The following PHF2 variants were observed in gnomAD, a reference collection of about 807,000 sequenced individuals.
The protein encoded by PHF2 is PHD finger protein 2.
In PHF2, 27 loss-of-function variants were observed where a neutral mutation model predicts 120.5. The observed-to-expected ratio is 0.22, with a 90% confidence interval of 0.17 to 0.31. PHF2 has a LOEUF of 0.31. Ranked by LOEUF, PHF2 falls within the 10% of genes least tolerant of loss-of-function variation. PHF2 has a pLI of 1.00. For synonymous variants in PHF2, 568 were observed against 592.5 expected (o/e 0.96, Z 0.60); for missense variants, 1,024 against 1,434.8 (o/e 0.71, Z 4.63).
At chr9:93,625,468 CTTTTTTTTTTT>C (rs905164226) in intron 1 of PHF2, among the ~76,000 whole-genome samples, 5 of 94,716 alleles carry the variant, frequency 5.3e-5, no homozygotes, top group African/African-American at 1.1e-4. Context: ...GTTTGAGTAC[CTTTTTTTTTTT>C]TTTTTTTTTT....
At chr9:93,634,860 CT>C (rs760746278) in intron 2 of PHF2, among the ~76,000 whole-genome samples, 3 of 152,194 alleles carry the variant, frequency 2.0e-5, no homozygotes, top group Non-Finnish European at 4.4e-5. Flanking sequence ...GAACAAGCAC[CT>C]ACCGCACCAG....
At position 93,678,854 on chromosome 9, in the gene PHF2, C is replaced by T. The variant is rs1277828441; in HGVS notation, c.*1178C>T. On this transcript the variant is annotated 3_prime_UTR_variant, in exon 22 of 22. Coordinates refer to ENST00000359246, the MANE Select transcript of PHF2 (RefSeq NM_005392.4). Reference sequence around the variant, plus strand: ...GACAGTTGGGTTCTGATGCTTTTTCCTTCTCCTTTCCTTTTATTATTATTA... The same window carrying T: ...GACAGTTGGGTTCTGATGCTTTTTCTTTCTCCTTTCCTTTTATTATTATTA... The T allele has an allele frequency of 1.3e-5, 2 of 155,894 alleles. No homozygotes were observed. Among genetic ancestry groups the T allele is most frequent in the South Asian group, 1.9e-4 (1 of 5,298 alleles). The allele number at this position is 155,894 out of a possible 1,614,324, so 9.7% of individuals were successfully genotyped here. A position where few individuals can be genotyped will look rare whatever the true frequency, so the allele number is the denominator to read the frequency against.
intron 20 of PHF2, 45 bp downstream of exon 20, chr9:93,675,834 C>G: frequency 6.8e-7 from 1 of 1,468,898 alleles, no homozygotes; most frequent in Non-Finnish European, 9.4e-7. Flanking sequence ...GTCCCTGCTA[C>G]CCCCACCTGG....
At chr9:93,652,723 G>A (rs1235821234) in intron 5 of PHF2, among the ~76,000 whole-genome samples, 1 of 152,178 alleles carries the variant, frequency 6.6e-6, no homozygotes, top group African/African-American at 2.4e-5. Flanking sequence ...GACTTGACGT[G>A]GCCAGGGGTC....
intron 1 of PHF2, among the ~76,000 whole-genome samples, chr9:93,590,831 G>C (rs1330040314): frequency 6.6e-6 from 1 of 152,246 alleles, no homozygotes; most frequent in Non-Finnish European, 1.5e-5. Flanking sequence ...TCTGGTTGTG[G>C]TGGTGGTTTC....
At chr9:93,675,179 C>G (rs1295627687) in intron 19 of PHF2, among the ~76,000 whole-genome samples, 157 bp downstream of exon 19, 1 of 152,216 alleles carries the variant, frequency 6.6e-6, no homozygotes, top group Non-Finnish European at 1.5e-5. Flanking sequence ...TGGTCAGCTG[C>G]TTGCAGGAGT....
In PHF2 at chr9:93,576,738, C is replaced by CG; in HGVS notation, c.-36_-35insG. 1 of 1,100,546 alleles carries CG rather than the reference C, an allele frequency of 9.1e-7. No homozygotes were observed. Among genetic ancestry groups the CG allele is most frequent in the Non-Finnish European group, 1.1e-6 (1 of 872,224 alleles). 68.2% of individuals were successfully genotyped at this position (1,100,546 alleles called of 1,614,324 possible). A position where few individuals can be genotyped will look rare whatever the true frequency, so the allele number is the denominator to read the frequency against. On this transcript the variant is annotated 5_prime_UTR_variant, in exon 1 of 22. Transcript: ENST00000359246. ...CCGGCCCGGACCGACCCGGGCAGCG[C>CG]AGCGGCGGGGCCGAGCGGCGGCGCG...
intron 1 of PHF2, among the ~76,000 whole-genome samples, chr9:93,604,472 T>C (rs889469868): frequency 1.3e-5 from 2 of 150,966 alleles, no homozygotes; most frequent in African/African-American, 4.8e-5. Context: ...TTTCTTTCTT[T>C]TTTTTTTTTT....
intron 11 of PHF2, among the ~76,000 whole-genome samples, 184 bp downstream of exon 11, chr9:93,659,784 C>A (rs1826526917): frequency 6.6e-6 from 1 of 152,194 alleles, no homozygotes; most frequent in African/African-American, 2.4e-5. Context: ...GGTCCTAGGT[C>A]TCTGGCTGGG....
At chr9:93,653,069 G>A (rs892804264) in intron 5 of PHF2, 110 bp from the exon 6 acceptor site, 17 of 950,142 alleles carry the variant, frequency 1.8e-5, no homozygotes, top group Admixed American at 7.2e-5. Context: ...CCCGTGGCCC[G>A]CAGGTGGTGA....
rs1263010171 is a variant in PHF2, at chr9:93,666,606, T to G, written c.2188-474T>G. Among the ~76,000 whole-genome samples the G allele has an allele frequency of 2.6e-5, 4 of 152,216 alleles. No individual in the cohort carries two copies. In the East Asian group the frequency reaches 7.7e-4, roughly 29 times the overall value. ...AGGGGCCTCTGTCTGACCCCAGCAATGTTCATTAGAAGGGCAGCGGCTCTT... is the reference window on the plus strand; with the variant it reads ...AGGGGCCTCTGTCTGACCCCAGCAAGGTTCATTAGAAGGGCAGCGGCTCTT... On this transcript the variant is annotated intron_variant, in intron 16 of 21. Coordinates refer to ENST00000359246, the MANE Select transcript of PHF2 (RefSeq NM_005392.4).
At chr9:93,675,118 A>C in intron 19 of PHF2, 96 bp downstream of exon 19, 4 of 976,156 alleles carry the variant, frequency 4.1e-6, no homozygotes, top group Non-Finnish European at 3.2e-6. Flanking sequence ...ATGTGGGCTC[A>C]GCTCTGCACC....
intron 1 of PHF2, among the ~76,000 whole-genome samples, chr9:93,614,661 C>A (rs1341227981): frequency 6.6e-6 from 1 of 152,216 alleles, no homozygotes; most frequent in Non-Finnish European, 1.5e-5. Context: ...TGTCAACATT[C>A]TTTCCACGGA....
chr9:93,592,195 T>C (rs1469057339), intron 1 of PHF2, among the ~76,000 whole-genome samples: 1 of 152,176 alleles, frequency 6.6e-6, no homozygotes, highest in African/African-American at 2.4e-5. Flanking sequence ...CACACTTCTG[T>C]TCCTGGCCTG....
chr9:93,651,216 T>C (rs993305127), intron 5 of PHF2, among the ~76,000 whole-genome samples: 1 of 152,066 alleles, frequency 6.6e-6, no homozygotes, highest in African/African-American at 2.4e-5. Context: ...ATTGCTTTGG[T>C]ACCAAACAAC....
Position 93,607,940 on chromosome 9 carries a change from TGAGA to T in PHF2, c.99-22010_99-22007del, listed in dbSNP as rs138717280. ...GATGAGAGAGAGAGAGGGAAAGAGA[TGAGA>T]GAGAGAGAGAGAGAGAGAGGGAAAG... On this transcript the variant is annotated intron_variant, in intron 1 of 21. Coordinates refer to ENST00000359246, the MANE Select transcript of PHF2 (RefSeq NM_005392.4). 2.3e-3 allele frequency among the ~76,000 whole-genome samples: 301 copies of T among 128,398 alleles called. 7 individuals are homozygous for T. In the South Asian group the frequency reaches 0.031, roughly 13 times the overall value. The allele number at this position is 128,398 out of a possible 152,430, so 84.2% of individuals were successfully genotyped here. A position where few individuals can be genotyped will look rare whatever the true frequency, so the allele number is the denominator to read the frequency against.
chr9:93,602,247 C>CTTTTTTTTTT lies in PHF2; in HGVS notation c.98+25390_98+25399dup, dbSNP rs67001312. On this transcript the variant is annotated intron_variant, in intron 1 of 21. Transcript: ENST00000359246. The stretch of plus-strand genomic sequence containing the variant: ...AAGTCATTTTGCATTCCTAGAGATT[C>CTTTTTTTTTT]TTTTTTTTTTTTTTTTTTTTTTTGA... Among the ~76,000 whole-genome samples the CTTTTTTTTTT allele has an allele frequency of 3.1e-3, 244 of 79,650 alleles. 13 individuals are homozygous for CTTTTTTTTTT. Among genetic ancestry groups the CTTTTTTTTTT allele is most frequent in the Middle Eastern group, 0.013 (1 of 78 alleles). The allele number at this position is 79,650 out of a possible 152,430, so 52.3% of individuals were successfully genotyped here. A position where few individuals can be genotyped will look rare whatever the true frequency, so the allele number is the denominator to read the frequency against.
intron 1 of PHF2, among the ~76,000 whole-genome samples, chr9:93,577,675 G>T (rs1289482225): frequency 1.3e-5 from 2 of 152,210 alleles, no homozygotes; most frequent in Non-Finnish European, 2.9e-5. Flanking sequence ...CGCCGGTTTT[G>T]ACATGATCTT....
In PHF2 at chr9:93,660,302, G is replaced by A. The variant is rs1457553506; in HGVS notation, c.1440G>A (p.Pro480=). ...EEPPSPIEAT[P]PQSLLEKVSK... Reference sequence around the variant, plus strand: ...CCCCGTCTCCCATTGAGGCCACCCCGCCTCAATCCCTCCTGGAGAAAGTGT... The same window carrying A: ...CCCCGTCTCCCATTGAGGCCACCCCACCTCAATCCCTCCTGGAGAAAGTGT... The change falls in exon 12 of 22, where the codon CCG becomes CCA. Residue 480 remains proline (P), a synonymous_variant. Coordinates refer to ENST00000359246, the MANE Select transcript of PHF2 (RefSeq NM_005392.4). 1.6e-5 allele frequency: 25 copies of A among 1,610,422 alleles called. No individual in the cohort carries two copies. Among genetic ancestry groups the A allele is most frequent in the East Asian group, 2.2e-5 (1 of 44,782 alleles).
Sources: allele counts gnomAD v4.1 joint callset (sites outside exome capture counted in the v4.1 genomes callset), GRCh38; gene constraint gnomAD v4.1.1; transcripts MANE v1.5; gene names NCBI Gene and HGNC (gene_info 2026-07-23, HGNC 2026-07-21).